GNPTAB: variants seen among roughly 807,000 people sequenced by gnomAD.
GNPTAB encodes the protein N-acetylglucosamine-1-phosphate transferase subunits alpha and beta.
In GNPTAB, 92 loss-of-function variants were observed where a neutral mutation model predicts 136.6. The observed-to-expected ratio is 0.67, with a 90% CI of 0.57 to 0.80. The LOEUF (loss-of-function observed/expected upper bound fraction) is 0.80, where lower values mean the gene tolerates loss of function less well. GNPTAB is among the 30% of genes least tolerant of loss of function. The pLI is 0.00. For synonymous variants in GNPTAB, 512 were observed against 535.1 expected, an observed-to-expected ratio of 0.96 and a Z score of 0.60; for missense variants, 1,343 against 1,501.8, an observed-to-expected ratio of 0.89 and a Z score of 1.75.
At chr12:101,771,927 A>G (rs1291948642) in intron 7 of GNPTAB, among the ~76,000 whole-genome samples, 1 of 152,268 alleles carries the variant, frequency 6.6e-6, no homozygotes, top group Non-Finnish European at 1.5e-5. Flanking sequence ...CCTTGCTGGA[A>G]TTGGTGACAA....
intron 2 of GNPTAB, among the ~76,000 whole-genome samples, chr12:101,794,865 G>A (rs940366476): frequency 5.3e-5 from 8 of 152,072 alleles, no homozygotes; most frequent in Admixed American, 1.3e-4. Flanking sequence ...CCAGGAGTTT[G>A]AGACCAGCCT....
chr12:101,752,421 T>C (rs1952834256), intron 19 of GNPTAB, among the ~76,000 whole-genome samples: 1 of 152,156 alleles, frequency 6.6e-6, no homozygotes, highest in African/African-American at 2.4e-5. Flanking sequence ...CAAGACTGTC[T>C]CAAAACAAAA....
At chr12:101,796,204 T>C in intron 2 of GNPTAB, 1 of 702,230 alleles carries the variant, frequency 1.4e-6, no homozygotes. Flanking sequence ...AACCGCTGTG[T>C]AGTAGCCACC....
At chr12:101,770,909 C>G in intron 8 of GNPTAB, 87 bp downstream of exon 8, 48 of 1,227,262 alleles carry the variant, frequency 3.9e-5, no homozygotes, top group Middle Eastern at 1.9e-4. Flanking sequence ...TCTGTAAGTC[C>G]CCTTCCCTCT....
chr12:101,753,485 T>C lies in GNPTAB; in HGVS notation c.3489A>G (p.Thr1163=). The part of the protein sequence containing the change: ...NIDHNHKDAQ[T]VKAVLRDFYE... ...AGAAGTCCCTGAGAACAGCCTTCAC[T>C]GTCTGAGCATCTTTATGATTGTGGT... The change falls in exon 19 of 21, where the codon ACA becomes ACG. Residue 1163 remains threonine (T), a synonymous_variant. Transcript: ENST00000299314. 2 of 1,613,900 alleles carry C rather than the reference T, an allele frequency of 1.2e-6. No individual in the cohort carries two copies. The highest frequency in any genetic ancestry group is 1.7e-6 in the Non-Finnish European group (2 of 1,179,780).
At chr12:101,772,839 C>G (rs750321329) in intron 7 of GNPTAB, among the ~76,000 whole-genome samples, 24 of 152,116 alleles carry the variant, frequency 1.6e-4, no homozygotes, top group African/African-American at 5.6e-4. Context: ...TTTTTTGAGA[C>G]GGAGTCTGAC....
chr12:101,817,832 G>C (rs1870583137), intron 1 of GNPTAB, among the ~76,000 whole-genome samples: 1 of 152,098 alleles, frequency 6.6e-6, no homozygotes, highest in Non-Finnish European at 1.5e-5. Flanking sequence ...GGATTCTGAA[G>C]CATTATACTT....
intron 10 of GNPTAB, among the ~76,000 whole-genome samples, chr12:101,769,405 TTGTC>T (rs1208978054): frequency 8.5e-5 from 13 of 152,184 alleles, no homozygotes; most frequent in African/African-American, 3.1e-4. Context: ...CTAACCATGA[TTGTC>T]TGTTTCACAG....
rs780754017 is a variant in GNPTAB at position 101,765,070 on chromosome 12, G to T, written c.1847C>A (p.Thr616Lys). The T allele has an allele frequency of 6.2e-7, 1 of 1,613,940 alleles. No individual in the cohort carries two copies. The change falls in exon 13 of 21, where the codon ACG becomes AAG. Residue 616 changes from threonine to lysine, a missense_variant. Thr to Lys is a moderately conservative substitution (Grantham distance 78, BLOSUM62 -1). Transcript: ENST00000299314. ...CTCTTCATCGTTTGTATTTTGAAACGTGAGATTAAAATGTATTGTGGTGGC... is the reference window on the plus strand; with the variant it reads ...CTCTTCATCGTTTGTATTTTGAAACTTGAGATTAAAATGTATTGTGGTGGC... ...MNATTIHFNL[T>K]FQNTNDEEFK...
intron 1 of GNPTAB, among the ~76,000 whole-genome samples, chr12:101,821,652 A>C (rs900870086): frequency 1.3e-5 from 2 of 152,116 alleles, no homozygotes; most frequent in African/African-American, 4.8e-5. Context: ...CGCCTGCTCC[A>C]CCTCATTCAA....
chr12:101,820,220 C>G (rs562614557), intron 1 of GNPTAB, among the ~76,000 whole-genome samples: 1 of 152,330 alleles, frequency 6.6e-6, no homozygotes, highest in South Asian at 2.1e-4. Context: ...TATAAGTATT[C>G]ATTCAACAAA....
chr12:101,780,203 T>C lies in GNPTAB; in HGVS notation c.720A>G (p.Thr240=), dbSNP rs1439827133. Residue 240 remains threonine, a synonymous_variant, in exon 7 of 21, where the codon ACA becomes ACG. Transcript: ENST00000299314. ...LSGFPPTFKE[T]NQLKTKLPEN... ...CTGGCAATTTTGTTTTTAGTTGATT[T>C]GTTTCCTTGAATGTTGGTGGAAATC... 1.9e-6 allele frequency: 3 copies of C among 1,613,740 alleles called. No homozygotes were observed. In the South Asian group the frequency reaches 3.3e-5, roughly 18 times the overall value.
At chr12:101,830,477 T>C in intron 1 of GNPTAB, 82 bp downstream of exon 1, 1 of 769,012 alleles carries the variant, frequency 1.3e-6, no homozygotes, top group Middle Eastern at 2.3e-4. Flanking sequence ...AAAAAATACA[T>C]ACTGTATCGG....
chr12:101,756,422 C>A (rs1272227243), intron 18 of GNPTAB: 2 of 338,276 alleles, frequency 5.9e-6, no homozygotes, highest in African/African-American at 2.3e-5. Flanking sequence ...AAAAATACTC[C>A]ATTTTAGCTG....
rs991497373 is a variant in GNPTAB, at chr12:101,761,343, G to A, written c.2919C>T (p.Phe973=). The A allele has an allele frequency of 1.2e-6, 2 of 1,613,142 alleles. No individual in the cohort carries two copies. Among genetic ancestry groups the A allele is most frequent in the African/African-American group, 2.7e-5 (2 of 75,040 alleles). Residue 973 remains phenylalanine, a synonymous_variant, in exon 15 of 21, where the codon TTC becomes TTT. Transcript: ENST00000299314. Reference sequence around the variant, plus strand: ...ATGACGTCTTGTCAAATTCTTCAGGGAACCTGTCCAAATATAACATATTAC... The same window carrying A: ...ATGACGTCTTGTCAAATTCTTCAGGAAACCTGTCCAAATATAACATATTAC... ...RIVMQELQDM[F]PEEFDKTSFH...
In GNPTAB at chr12:101,767,899, G is replaced by A. The variant is rs12822003; in HGVS notation, c.1408+138C>T. Reference sequence around the variant, plus strand: ...TTGCAAAGCACTGGATTATAAGCATGAGCCACCATGCCCAGCATTACTGAT... The same window carrying A: ...TTGCAAAGCACTGGATTATAAGCATAAGCCACCATGCCCAGCATTACTGAT... On this transcript the variant is annotated intron_variant, in intron 11 of 20. Coordinates refer to ENST00000299314, the MANE Select transcript of GNPTAB (RefSeq NM_024312.5). 15,470 of 989,372 alleles carry A rather than the reference G, an allele frequency of 0.016. 154 individuals carry two copies. Among genetic ancestry groups the A allele is most frequent in the Non-Finnish European group, 0.02 (12,561 of 640,148 alleles). The allele number at this position is 989,372 out of a possible 1,614,324, so 61.3% of individuals were successfully genotyped here.
chr12:101,780,461 T>A, intron 6 of GNPTAB, 96 bp downstream of exon 6: 1 of 1,111,342 alleles, frequency 9.0e-7, no homozygotes, highest in Non-Finnish European at 1.3e-6. Context: ...AGATAAAAAA[T>A]AAACATTAAA....
rs776060576 is a variant in GNPTAB at position 101,749,234 on chromosome 12, T to C, written c.3603-43A>G. 6.5e-6 allele frequency: 7 copies of C among 1,077,298 alleles called. No homozygotes were observed. In the South Asian group the frequency reaches 8.8e-5, roughly 14 times the overall value. The allele number at this position is 1,077,298 out of a possible 1,614,324, so 66.7% of individuals were successfully genotyped here. A position where few individuals can be genotyped will look rare whatever the true frequency, so the allele number is the denominator to read the frequency against. Reference sequence around the variant, plus strand: ...AGCAACTATGTACTTCTGTATATGGTTTCACTACCATTAGTTAAGCATTAT... The same window carrying C: ...AGCAACTATGTACTTCTGTATATGGCTTCACTACCATTAGTTAAGCATTAT... On this transcript the variant is annotated intron_variant, in intron 19 of 20. Transcript: ENST00000299314.
In GNPTAB at chr12:101,757,608, T is replaced by C. The variant is rs1439120533; in HGVS notation, c.3299A>G (p.Lys1100Arg). ...LVTNCKPVTD[K>R]IHKAYKDKNK... The stretch of plus-strand genomic sequence containing the variant: ...TTTGTCCTTATATGCTTTGTGGATT[T>C]TGTCAGTTACTGGTTTACAGTTTGT... The change falls in exon 17 of 21, where the codon AAA becomes AGA. Residue 1100 changes from lysine (K) to arginine (R), a missense_variant. Physicochemically the swap from Lys to Arg is conservative, Grantham distance 26. Transcript: ENST00000299314. 2 of 1,587,126 alleles carry C rather than the reference T, an allele frequency of 1.3e-6. No individual in the cohort carries two copies. The highest frequency in any genetic ancestry group is 1.7e-6 in the Non-Finnish European group (2 of 1,155,622).
Sources: gnomAD v4.1 joint callset for allele counts (sites outside exome capture counted in the v4.1 genomes callset) on GRCh38, gnomAD v4.1.1 for gene constraint, MANE v1.5 for transcripts, NCBI Gene and HGNC (gene_info 2026-07-23, HGNC 2026-07-21) for gene names.